The following PHKB variants were observed in gnomAD, a reference collection of about 807,000 sequenced individuals.
PHKB encodes the protein phosphorylase b kinase regulatory subunit beta.
PHKB carries 122 observed loss-of-function variants against 152.1 expected under a neutral mutation model. The observed-to-expected ratio is 0.80, with a 90% confidence interval of 0.69 to 0.93. The LOEUF (loss-of-function observed/expected upper bound fraction) is 0.93. Ranked by LOEUF, PHKB falls within the 40% of genes least tolerant of loss-of-function variation. The pLI is 0.00. For synonymous variants in PHKB, 436 were observed against 464.9 expected (o/e 0.94, Z 0.80); for missense variants, 1,304 against 1,328.4 (o/e 0.98, Z 0.29).
intron 1 of PHKB, among the ~76,000 whole-genome samples, chr16:47,491,496 A>G (rs1455805771): frequency 6.6e-6 from 1 of 152,214 alleles, no homozygotes; most frequent in Non-Finnish European, 1.5e-5. Context: ...CACGTGAACT[A>G]AAAGGTACCA....
At chr16:47,614,131 C>T (rs1409761849) in intron 14 of PHKB, among the ~76,000 whole-genome samples, 5 of 152,166 alleles carry the variant, frequency 3.3e-5, no homozygotes, top group Non-Finnish European at 7.4e-5. Flanking sequence ...GGAGGTTTTC[C>T]TCATGGAGGA....
At chr16:47,674,699 A>G (rs1416839777) in intron 26 of PHKB, among the ~76,000 whole-genome samples, 1 of 152,210 alleles carries the variant, frequency 6.6e-6, no homozygotes, top group Non-Finnish European at 1.5e-5. Flanking sequence ...CCGTCTTTGT[A>G]GGTCCAGGGT....
chr16:47,675,023 G>A (rs781123199), intron 26 of PHKB, among the ~76,000 whole-genome samples: 4 of 152,180 alleles, frequency 2.6e-5, no homozygotes, highest in African/African-American at 9.7e-5. Flanking sequence ...CCTTTCTTAT[G>A]TTCAGAGGAA....
chr16:47,482,976 C>T (rs1291362209), intron 1 of PHKB, among the ~76,000 whole-genome samples: 1 of 151,688 alleles, frequency 6.6e-6, no homozygotes, highest in African/African-American at 2.4e-5. Flanking sequence ...CCACCTTGGC[C>T]TCCCAAAGTA....
At chr16:47,659,586 G>T (rs1268422501) in intron 20 of PHKB, among the ~76,000 whole-genome samples, 1 of 152,098 alleles carries the variant, frequency 6.6e-6, no homozygotes, top group Non-Finnish European at 1.5e-5. Context: ...AACACAAACA[G>T]TGTTTAAGGT....
rs141479603 is a variant in PHKB at position 47,663,903 on chromosome 16, C to T, written c.2336+169C>T. ...TGCCTATGTAGCATGTCTGTCCCCC[C>T]ACTGCCTCCACCAAAATTCTGAGAA... On this transcript the variant is annotated intron_variant, in intron 24 of 30. Coordinates refer to ENST00000323584, the MANE Select transcript of PHKB (RefSeq NM_000293.3). 2.2e-5 allele frequency: 14 copies of T among 639,946 alleles called. No homozygotes were observed. The East Asian group carries it at 3.0e-4, about 14-fold the overall frequency. The allele number at this position is 639,946 out of a possible 1,614,324, so 39.6% of individuals were successfully genotyped here. A position where few individuals can be genotyped will look rare whatever the true frequency, so the allele number is the denominator to read the frequency against.
intron 20 of PHKB, among the ~76,000 whole-genome samples, chr16:47,658,153 A>T (rs974129903): frequency 6.6e-6 from 1 of 152,012 alleles, no homozygotes; most frequent in Non-Finnish European, 1.5e-5. Context: ...CAGCTGCCCC[A>T]TCTACTCTGT....
chr16:47,576,390 C>T (rs994072590), intron 7 of PHKB, among the ~76,000 whole-genome samples: 2 of 152,072 alleles, frequency 1.3e-5, no homozygotes, highest in African/African-American at 2.4e-5. Context: ...GCCTTGTTTC[C>T]CTGGAGTAAA....
chr16:47,481,370 T>A (rs1464696723), intron 1 of PHKB, among the ~76,000 whole-genome samples: 1 of 152,202 alleles, frequency 6.6e-6, no homozygotes, highest in African/African-American at 2.4e-5. Flanking sequence ...TTAGAAAAAG[T>A]GGTAATCTTG....
chr16:47,699,961 G>A lies in PHKB; in HGVS notation c.*595G>A, dbSNP rs563945926. On this transcript the variant is annotated 3_prime_UTR_variant, in exon 31 of 31. Coordinates refer to ENST00000323584, the MANE Select transcript of PHKB (RefSeq NM_000293.3). ...TGTGGTTTTGTATTTGCTAAATATA[G>A]GGGTTGGACTAAAATATAATAAATC... 10 of 159,566 alleles carry A rather than the reference G, an allele frequency of 6.3e-5. No homozygotes were observed. The South Asian group carries it at 1.6e-3, about 26-fold the overall frequency. The allele number at this position is 159,566 out of a possible 1,614,324, so 9.9% of individuals were successfully genotyped here. A position where few individuals can be genotyped will look rare whatever the true frequency, so the allele number is the denominator to read the frequency against.
At chr16:47,472,889 C>G (rs946440165) in intron 1 of PHKB, among the ~76,000 whole-genome samples, 1 of 151,772 alleles carries the variant, frequency 6.6e-6, no homozygotes, top group East Asian at 1.9e-4. Context: ...ACAGTGAGGT[C>G]GCACCACTGC....
chr16:47,683,852 C>T (rs188507234), intron 26 of PHKB, among the ~76,000 whole-genome samples: 4 of 152,308 alleles, frequency 2.6e-5, no homozygotes, highest in South Asian at 2.1e-4. Flanking sequence ...TCTTCTGCAT[C>T]GCTCACGCTG....
chr16:47,566,149 C>A, intron 7 of PHKB: 1 of 647,386 alleles, frequency 1.5e-6, no homozygotes, highest in South Asian at 1.8e-5. Flanking sequence ...CGATCCCAGT[C>A]GCCGTATCAA....
intron 6 of PHKB, among the ~76,000 whole-genome samples, chr16:47,537,607 C>G (rs1191649121): frequency 6.6e-6 from 1 of 152,084 alleles, no homozygotes. Context: ...GAGCTCAGTC[C>G]AAATCAATGT....
chr16:47,648,364 A>G (rs969103989), intron 16 of PHKB, among the ~76,000 whole-genome samples, 169 bp from the exon 17 acceptor site: 4 of 152,208 alleles, frequency 2.6e-5, no homozygotes, highest in African/African-American at 9.7e-5. Context: ...CAGTAATCCA[A>G]AATCTAAGTT....
At chr16:47,689,208 T>C (rs1974017774) in intron 27 of PHKB, 33 bp downstream of exon 27, 1 of 1,602,066 alleles carries the variant, frequency 6.2e-7, no homozygotes, top group African/African-American at 1.3e-5. Context: ...TACATGATAC[T>C]CTGGATTTAC....
chr16:47,521,642 C>T (rs1477315109), intron 6 of PHKB, among the ~76,000 whole-genome samples: 4 of 149,110 alleles, frequency 2.7e-5, no homozygotes, highest in East Asian at 1.9e-4. Context: ...GAAACAAGAG[C>T]GAAACTACGT....
chr16:47,623,186 C>T (rs1274878118), intron 14 of PHKB, among the ~76,000 whole-genome samples: 1 of 151,910 alleles, frequency 6.6e-6, no homozygotes, highest in Non-Finnish European at 1.5e-5. Flanking sequence ...TTATGTAAAC[C>T]TCTTAACCAA....
intron 14 of PHKB, among the ~76,000 whole-genome samples, chr16:47,634,436 T>C (rs1972880991): frequency 6.6e-6 from 1 of 152,190 alleles, no homozygotes; most frequent in East Asian, 1.9e-4. Context: ...GTAGACCAGC[T>C]AGATCAAGTT....
Sources: gnomAD v4.1 joint callset for allele counts (sites outside exome capture counted in the v4.1 genomes callset) on GRCh38, gnomAD v4.1.1 for gene constraint, MANE v1.5 for transcripts, NCBI Gene and HGNC (gene_info 2026-07-23, HGNC 2026-07-21) for gene names.